The following ZNF185 variants were observed in gnomAD, a reference collection of about 807,000 sequenced individuals.
The protein encoded by ZNF185 is zinc finger protein 185.
Under a neutral mutation model 58.6 loss-of-function variants are expected in ZNF185, and 56 were observed. The observed-to-expected ratio is 0.95, with a 90% CI of 0.77 to 1.19. The LOEUF is 1.19. Among genes scored for constraint, ZNF185 ranks in the 50% most tolerant of loss-of-function variants. ZNF185 has a pLI of 0.00. For missense variants in ZNF185, 627 were observed against 573.5 expected, an observed-to-expected ratio of 1.09 and a Z score of -0.95; for synonymous variants, 230 against 215.9, an observed-to-expected ratio of 1.07 and a Z score of -0.57.
intron 16 of ZNF185, among the ~76,000 whole-genome samples, chrX:152,958,838 G>T (rs1379666086): frequency 8.9e-6 from 1 of 112,109 alleles, no homozygotes; most frequent in African/African-American, 3.2e-5. Flanking sequence ...TGAAAACTAC[G>T]CGGTCACAAC....
At chrX:152,923,595 G>A (rs981249322) in intron 11 of ZNF185, among the ~76,000 whole-genome samples, 7 of 112,490 alleles carry the variant, frequency 6.2e-5, no homozygotes, top group African/African-American at 9.7e-5. Flanking sequence ...GATTGGTTTC[G>A]TGAAAGACAC....
chrX:152,935,120 G>A (rs538909848), intron 14 of ZNF185, among the ~76,000 whole-genome samples: 1 of 109,356 alleles, frequency 9.1e-6, no homozygotes, highest in South Asian at 3.9e-4. Flanking sequence ...CACTGTACCT[G>A]GTCCCAAATA....
chrX:152,926,990 G>A (rs1485300604), intron 11 of ZNF185, among the ~76,000 whole-genome samples: 1 of 112,017 alleles, frequency 8.9e-6, no homozygotes, highest in Non-Finnish European at 1.9e-5. Flanking sequence ...CTCTGTCTTC[G>A]CGCAGCCGTC....
At chrX:152,924,048 G>A (rs1603216902) in intron 11 of ZNF185, among the ~76,000 whole-genome samples, 2 of 111,529 alleles carry the variant, frequency 1.8e-5, no homozygotes, top group Non-Finnish European at 3.8e-5. Flanking sequence ...TCTCTCCTTG[G>A]CTGGTAGACT....
rs1939970743 is a variant in ZNF185, at chrX:152,922,608, CA to C, written c.741-111del. 5 of 700,232 alleles carry C rather than the reference CA, an allele frequency of 7.1e-6. No individual in the cohort carries two copies. In the African/African-American group the frequency reaches 1.1e-4, roughly 15 times the overall value. 57.7% of individuals were successfully genotyped at this position (700,232 alleles called of 1,213,427 possible). ...AGAGGGCCAGCCACCATGGCAGTAG[CA>C]TGCCATTGTCAGACTTGCTCCTTGC... On this transcript the variant is annotated intron_variant, in intron 10 of 22. Coordinates refer to ENST00000449285, the Ensembl canonical transcript of ZNF185.
chrX:152,898,513 G>C, the ZNF185 span, among the ~76,000 whole-genome samples: 1 of 112,296 alleles, frequency 8.9e-6, no homozygotes, highest in East Asian at 2.8e-4. Flanking sequence ...CTTTAGGAAA[G>C]ACACGGTTTA....
chrX:152,962,308 A>G (rs144209213), intron 17 of ZNF185, among the ~76,000 whole-genome samples: 1 of 109,884 alleles, frequency 9.1e-6, no homozygotes, highest in Non-Finnish European at 1.9e-5. Flanking sequence ...TTTTTTTAAG[A>G]GGCGGTGTTT....
the ZNF185 span, among the ~76,000 whole-genome samples, chrX:152,907,199 C>T: frequency 2.7e-5 from 3 of 112,161 alleles, no homozygotes; most frequent in Admixed American, 1.9e-4. Context: ...CCAGCACCTG[C>T]GTCATTGCCT....
chrX:152,957,233 ATT>A (rs199603981), intron 16 of ZNF185, among the ~76,000 whole-genome samples: 1 of 97,740 alleles, frequency 1.0e-5, no homozygotes, highest in Non-Finnish European at 2.1e-5. Context: ...ATGTCTGGCT[ATT>A]TTTTTTTTTT....
chrX:152,920,360 C>T (rs371079852), exon 8 of ZNF185: 3 of 1,209,422 alleles, frequency 2.5e-6, no homozygotes, highest in African/African-American at 3.5e-5. Flanking sequence ...CTGAGGAGGA[C>T]AGCTCCCCGG....
the ZNF185 span, among the ~76,000 whole-genome samples, chrX:152,906,139 C>T: frequency 2.4e-3 from 267 of 112,696 alleles, 1 homozygote; most frequent in Middle Eastern, 4.6e-3. Flanking sequence ...GAGTCTCCTT[C>T]CCAGAGACCA....
intron 15 of ZNF185, among the ~76,000 whole-genome samples, chrX:152,940,319 A>G (rs2047031590): frequency 9.3e-6 from 1 of 107,896 alleles, no homozygotes; most frequent in Non-Finnish European, 1.9e-5. Flanking sequence ...GACATAAGAC[A>G]TCAATCAATA....
At chrX:152,924,866 G>A (rs1357806804) in intron 11 of ZNF185, among the ~76,000 whole-genome samples, 1 of 112,088 alleles carries the variant, frequency 8.9e-6, no homozygotes, top group Non-Finnish European at 1.9e-5. Flanking sequence ...TGTATTTTTA[G>A]TAGAGACGGG....
intron 16 of ZNF185, among the ~76,000 whole-genome samples, chrX:152,956,425 A>C (rs1469528180): frequency 8.9e-6 from 1 of 112,153 alleles, no homozygotes; most frequent in Non-Finnish European, 1.9e-5. Context: ...TTCACTAAAA[A>C]TATACCCTGA....
At chrX:152,928,019 AG>A (rs1556874004) in intron 11 of ZNF185, among the ~76,000 whole-genome samples, 1 of 112,206 alleles carries the variant, frequency 8.9e-6, no homozygotes, top group African/African-American at 3.2e-5. Flanking sequence ...TCAGACTTGG[AG>A]GGATGTGTGT....
rs782407155 is a variant in ZNF185 at position 152,931,795 on chromosome X, C to G, written c.1022+19C>G. The stretch of plus-strand genomic sequence containing the variant: ...CTGCAAGGTAACTCAGTGCAGGAAG[C>G]AGACACTTCATTCCCAGAACACGGA... On this transcript the variant is annotated intron_variant, in intron 13 of 22. Coordinates refer to ENST00000449285, the Ensembl canonical transcript of ZNF185. The G allele has an allele frequency of 2.1e-5, 25 of 1,167,453 alleles. No homozygotes were observed. Among genetic ancestry groups the G allele is most frequent in the Non-Finnish European group, 2.8e-5 (24 of 865,099 alleles).
At chrX:152,973,452 A>G (rs1046932752) in exon 23 of ZNF185, 1 of 112,757 alleles carries the variant, frequency 8.9e-6, no homozygotes, top group Non-Finnish European at 1.9e-5. Flanking sequence ...GTGCGCAATT[A>G]TAATAAATGG....
chrX:152,899,338 C>T, the ZNF185 span, among the ~76,000 whole-genome samples: 1 of 112,718 alleles, frequency 8.9e-6, no homozygotes, highest in African/African-American at 3.2e-5. Context: ...CCAGGGCCTC[C>T]GCTCCTCATC....
chrX:152,946,742 C>T (rs1401494732), intron 16 of ZNF185, among the ~76,000 whole-genome samples: 2 of 111,881 alleles, frequency 1.8e-5, no homozygotes, highest in African/African-American at 6.5e-5. Flanking sequence ...GAAGGCATTC[C>T]GAGTGGAGGC....
Sources: allele counts gnomAD v4.1 joint callset (sites outside exome capture counted in the v4.1 genomes callset), GRCh38; gene constraint gnomAD v4.1.1; transcripts MANE v1.5; gene names NCBI Gene and HGNC (gene_info 2026-07-23, HGNC 2026-07-21).